Variants in ZNF385D observed in about 807,000 individuals in gnomAD.
ZNF385D encodes the protein zinc finger protein 659.
A neutral mutation model predicts 35.8 loss-of-function variants in ZNF385D; 15 were observed. The ratio of observed to expected loss-of-function variants is 0.42; its 90% CI spans 0.28 to 0.64. The LOEUF (loss-of-function observed/expected upper bound fraction) is 0.64, where lower values mean the gene tolerates loss of function less well. ZNF385D is among the 30% of genes least tolerant of loss of function. ZNF385D has a pLI of 0.23. For missense variants in ZNF385D, 474 were observed against 494.6 expected (o/e 0.96, Z 0.39); for synonymous variants, 212 against 186.8 (o/e 1.13, Z -1.10).
At chr3:21,634,360 AAAAGAAAGGAAGG>A (rs755577982) in intron 2 of ZNF385D, among the ~76,000 whole-genome samples, 2 of 151,020 alleles carry the variant, frequency 1.3e-5, no homozygotes, top group Non-Finnish European at 3.0e-5. Flanking sequence ...AGAAAAGAAA[AAAAGAAAGGAAGG>A]AAGGAAAGAA....
intron 3 of ZNF385D, among the ~76,000 whole-genome samples, chr3:22,068,134 G>T (rs955656908): frequency 2.1e-4 from 32 of 152,132 alleles, no homozygotes; most frequent in Admixed American, 6.5e-5. Context: ...CTTTGAGAAG[G>T]TCTTAGTCAT....
chr3:21,989,342 C>A (rs1254376278), intron 3 of ZNF385D, among the ~76,000 whole-genome samples: 2 of 152,210 alleles, frequency 1.3e-5, no homozygotes, highest in Non-Finnish European at 1.5e-5. Flanking sequence ...GGATGCATTT[C>A]TGGAATATGT....
chr3:22,248,964 G>A (rs1330800124), intron 2 of ZNF385D, among the ~76,000 whole-genome samples: 2 of 152,112 alleles, frequency 1.3e-5, no homozygotes, highest in East Asian at 1.9e-4. Context: ...CCATATGCAG[G>A]AGAGGTCACC....
chr3:22,128,144 T>G (rs181855634), intron 3 of ZNF385D, among the ~76,000 whole-genome samples: 69 of 152,332 alleles, frequency 4.5e-4, no homozygotes, highest in African/African-American at 1.6e-3. Context: ...AATATATTTT[T>G]GATGGATATA....
intron 3 of ZNF385D, among the ~76,000 whole-genome samples, chr3:22,127,317 CTTTTTTTTTTTTTTTTTTTTTTTTT>C (rs71044975): frequency 3.4e-3 from 191 of 56,328 alleles, no homozygotes; most frequent in Non-Finnish European, 5.0e-3. Flanking sequence ...TCATTTCCTG[CTTTTTTTTTTTTTTTTTTTTTTTTT>C]TTTTTTTTTT....
intron 3 of ZNF385D, among the ~76,000 whole-genome samples, chr3:21,756,597 G>T (rs144338704): frequency 1.6e-4 from 24 of 152,284 alleles, no homozygotes; most frequent in Admixed American, 1.6e-3. Context: ...TATCTTTTAG[G>T]AAGTATAGAT....
intron 3 of ZNF385D, among the ~76,000 whole-genome samples, chr3:21,763,025 A>T (rs1197895441): frequency 6.6e-6 from 1 of 152,166 alleles, no homozygotes; most frequent in Non-Finnish European, 1.5e-5. Context: ...GGTACTCAAC[A>T]AATGCTTGGT....
chr3:22,159,930 C>G (rs532649247), intron 3 of ZNF385D, among the ~76,000 whole-genome samples: 1 of 151,926 alleles, frequency 6.6e-6, no homozygotes, highest in Admixed American at 6.6e-5. Flanking sequence ...GGTTGTGTCC[C>G]CAGCCAAAAT....
intron 2 of ZNF385D, among the ~76,000 whole-genome samples, chr3:21,576,889 A>G (rs2063511931): frequency 6.6e-6 from 1 of 152,200 alleles, no homozygotes; most frequent in Non-Finnish European, 1.5e-5. Context: ...ATTGATACAT[A>G]ATATGCATAT....
intron 3 of ZNF385D, among the ~76,000 whole-genome samples, chr3:22,012,171 AT>A (rs1696616736): frequency 6.6e-6 from 1 of 152,178 alleles, no homozygotes; most frequent in South Asian, 2.1e-4. Context: ...AAAGAAGTCC[AT>A]TACTTCAACA....
At chr3:21,508,445 T>G (rs1706952260) in intron 4 of ZNF385D, among the ~76,000 whole-genome samples, 1 of 152,118 alleles carries the variant, frequency 6.6e-6, no homozygotes, top group South Asian at 2.1e-4. Flanking sequence ...TCTTTGGGGT[T>G]AATTCTCTTC....
rs188420996 is a variant in ZNF385D, at chr3:21,557,632, C to T, written c.276+6942G>A. ...TTGGCCTGAAATTTTATTTTTTTGT[C>T]GTGTCTCTGCCAGGTTTTAGTATCA... On this transcript the variant is annotated intron_variant, in intron 3 of 7. Transcript: ENST00000281523. 4.3e-4 allele frequency among the ~76,000 whole-genome samples: 65 copies of T among 151,864 alleles called. 1 individual carries two copies. The highest frequency in any genetic ancestry group is 8.1e-4 in the Non-Finnish European group (55 of 67,898).
chr3:22,263,145 G>C (rs1005468180), intron 2 of ZNF385D, among the ~76,000 whole-genome samples: 15 of 151,864 alleles, frequency 9.9e-5, no homozygotes, highest in Non-Finnish European at 2.2e-4. Flanking sequence ...ATTCTGTCCA[G>C]ATCAGTCAGA....
intron 2 of ZNF385D, among the ~76,000 whole-genome samples, chr3:22,293,030 A>T (rs1056377465): frequency 2.0e-5 from 3 of 152,128 alleles, no homozygotes; most frequent in African/African-American, 4.8e-5. Flanking sequence ...AGTTACCTCA[A>T]GAAGCTGTAA....
intron 3 of ZNF385D, among the ~76,000 whole-genome samples, chr3:21,518,469 T>C (rs1707715198): frequency 6.6e-6 from 1 of 152,194 alleles, no homozygotes; most frequent in African/African-American, 2.4e-5. Flanking sequence ...ATTGAATGCA[T>C]TGTTATGATC....
intron 2 of ZNF385D, among the ~76,000 whole-genome samples, chr3:22,259,879 G>A (rs1055512512): frequency 6.6e-6 from 1 of 151,326 alleles, no homozygotes; most frequent in Non-Finnish European, 1.5e-5. Flanking sequence ...TCCAAAAATA[G>A]TTCCCCCTCT....
intron 3 of ZNF385D, among the ~76,000 whole-genome samples, chr3:22,142,670 A>G (rs1272358705): frequency 2.0e-5 from 3 of 152,176 alleles, no homozygotes; most frequent in Non-Finnish European, 2.9e-5. Flanking sequence ...GGAAGCCATC[A>G]GCCAAACAGC....
At chr3:21,451,136 A>G (rs933268464) in intron 4 of ZNF385D, among the ~76,000 whole-genome samples, 3 of 152,114 alleles carry the variant, frequency 2.0e-5, no homozygotes, top group African/African-American at 7.2e-5. Context: ...TATTTTTATC[A>G]GTTAGTCCAG....
chr3:22,141,046 C>A (rs1704473267), intron 3 of ZNF385D, among the ~76,000 whole-genome samples: 2 of 152,122 alleles, frequency 1.3e-5, no homozygotes. Flanking sequence ...TATAGTACAA[C>A]AAATTCTCAG....
Sources: gnomAD v4.1 joint callset for allele counts (sites outside exome capture counted in the v4.1 genomes callset) on GRCh38, gnomAD v4.1.1 for gene constraint, MANE v1.5 for transcripts, NCBI Gene and HGNC (gene_info 2026-07-23, HGNC 2026-07-21) for gene names.